SCFD2: variants seen among roughly 807,000 people sequenced by gnomAD.
The protein encoded by SCFD2 is sec1 family domain-containing protein 2.
In SCFD2, 54 loss-of-function variants were observed where a neutral mutation model predicts 58.9. That is an observed-to-expected ratio of 0.92 (90% CI 0.74 to 1.15). The LOEUF (loss-of-function observed/expected upper bound fraction) is 1.15, where lower values mean the gene tolerates loss of function less well. SCFD2 is among the 50% of genes most tolerant of loss of function. SCFD2 has a pLI of 0.00. For synonymous variants in SCFD2, 321 were observed against 335.9 expected, an observed-to-expected ratio of 0.96 and a Z score of 0.49; for missense variants, 805 against 836.6, an observed-to-expected ratio of 0.96 and a Z score of 0.47.
At chr4:53,196,630 C>T (rs576039345) in intron 4 of SCFD2, among the ~76,000 whole-genome samples, 1 of 152,154 alleles carries the variant, frequency 6.6e-6, no homozygotes, top group South Asian at 2.1e-4. Context: ...TTACTGCTGA[C>T]TTTAACAATG....
chr4:52,911,204 T>C (rs1719478003), intron 6 of SCFD2, among the ~76,000 whole-genome samples: 1 of 152,240 alleles, frequency 6.6e-6, no homozygotes, highest in Non-Finnish European at 1.5e-5. Flanking sequence ...AGGCACAGTG[T>C]ATCTGGGGTG....
intron 4 of SCFD2, among the ~76,000 whole-genome samples, chr4:53,239,089 G>A (rs530047250): frequency 2.7e-5 from 4 of 150,916 alleles, no homozygotes; most frequent in Admixed American, 6.6e-5. Context: ...CTGAGTGAAC[G>A]AGACTCCATC....
intron 5 of SCFD2, among the ~76,000 whole-genome samples, chr4:53,105,380 G>A (rs1560337748): frequency 6.6e-6 from 1 of 151,530 alleles, no homozygotes; most frequent in Admixed American, 6.6e-5. Context: ...AGGGAGCCAA[G>A]TGGTCTAGCT....
chr4:53,230,389 T>G (rs1042397253), intron 4 of SCFD2, among the ~76,000 whole-genome samples: 1 of 152,042 alleles, frequency 6.6e-6, no homozygotes, highest in East Asian at 1.9e-4. Context: ...CCAACAATGA[T>G]AGACTGGATT....
At chr4:53,281,119 C>G (rs1731494742) in intron 3 of SCFD2, among the ~76,000 whole-genome samples, 1 of 152,208 alleles carries the variant, frequency 6.6e-6, no homozygotes, top group Non-Finnish European at 1.5e-5. Flanking sequence ...CTTTTGACTT[C>G]CTAACTAAAC....
chr4:52,956,211 C>T (rs1720708819), intron 5 of SCFD2: 1 of 456,596 alleles, frequency 2.2e-6, no homozygotes, highest in South Asian at 1.5e-5. Context: ...AGCCATCTCC[C>T]CTACATCCTA....
At chr4:53,139,621 T>G (rs1262792220) in intron 5 of SCFD2, among the ~76,000 whole-genome samples, 2 of 144,386 alleles carry the variant, frequency 1.4e-5, no homozygotes, top group Non-Finnish European at 3.0e-5. Context: ...CTGCCCCGTC[T>G]GGGAGGTGGG....
chr4:52,933,909 G>A (rs1421746983), intron 5 of SCFD2, among the ~76,000 whole-genome samples: 1 of 152,184 alleles, frequency 6.6e-6, no homozygotes, highest in Non-Finnish European at 1.5e-5. Flanking sequence ...CATAAAGCAA[G>A]TCTGAAGCTA....
intron 5 of SCFD2, among the ~76,000 whole-genome samples, chr4:53,049,037 G>C (rs1187369002): frequency 6.6e-6 from 1 of 152,170 alleles, no homozygotes; most frequent in Non-Finnish European, 1.5e-5. Flanking sequence ...CAGATGAACA[G>C]TGTGTGAGAA....
At chr4:53,285,390 G>T (rs575968368) in intron 3 of SCFD2, among the ~76,000 whole-genome samples, 1 of 151,802 alleles carries the variant, frequency 6.6e-6, no homozygotes, top group South Asian at 2.1e-4. Context: ...TGCTCTTAAG[G>T]GTGCCTCTAA....
chr4:53,174,201 G>C (rs956677272), intron 4 of SCFD2, among the ~76,000 whole-genome samples: 1 of 151,890 alleles, frequency 6.6e-6, no homozygotes, highest in South Asian at 2.1e-4. Flanking sequence ...TATTGAATGT[G>C]AAGGTCTAAA....
intron 4 of SCFD2, among the ~76,000 whole-genome samples, chr4:53,188,623 G>A (rs531421110): frequency 1.8e-4 from 28 of 152,256 alleles, no homozygotes; most frequent in Non-Finnish European, 1.9e-4. Context: ...CATTCTTAAC[G>A]ACTGTTACCA....
At chr4:53,153,556 T>A (rs1726575379) in intron 4 of SCFD2, among the ~76,000 whole-genome samples, 1 of 152,186 alleles carries the variant, frequency 6.6e-6, no homozygotes, top group Non-Finnish European at 1.5e-5. Context: ...TGAGAGGGGC[T>A]GCAAAGGAGA....
chr4:53,222,148 G>A (rs572812513), intron 4 of SCFD2, among the ~76,000 whole-genome samples: 37 of 152,020 alleles, frequency 2.4e-4, no homozygotes, highest in Non-Finnish European at 4.4e-4. Context: ...CTTTTCACCC[G>A]CCCACCCTCA....
At chr4:52,946,175 A>G (rs903570157) in intron 5 of SCFD2, among the ~76,000 whole-genome samples, 3 of 152,142 alleles carry the variant, frequency 2.0e-5, no homozygotes, top group African/African-American at 7.2e-5. Flanking sequence ...AGGGATCTGC[A>G]TTTTTAATAC....
intron 4 of SCFD2, among the ~76,000 whole-genome samples, chr4:53,155,731 T>G (rs1179415840): frequency 6.6e-6 from 1 of 152,190 alleles, no homozygotes; most frequent in Non-Finnish European, 1.5e-5. Context: ...TACCAAGAAC[T>G]AGTCAGTTCA....
chr4:53,218,019 C>G (rs996088761), intron 4 of SCFD2, among the ~76,000 whole-genome samples: 3 of 152,200 alleles, frequency 2.0e-5, no homozygotes, highest in African/African-American at 7.2e-5. Context: ...TCTGCTGTTA[C>G]TCTGTTGGGC....
chr4:53,201,522 T>C (rs1560382087), intron 4 of SCFD2, among the ~76,000 whole-genome samples: 1 of 152,198 alleles, frequency 6.6e-6, no homozygotes, highest in Non-Finnish European at 1.5e-5. Context: ...TGATTTATAA[T>C]CCTTTGGGTA....
chr4:52,962,671 A>AG (rs1412804656), intron 5 of SCFD2, among the ~76,000 whole-genome samples: 15 of 150,838 alleles, frequency 9.9e-5, no homozygotes, highest in African/African-American at 3.7e-4. Context: ...AAAATAGTTT[A>AG]GAGGGGGGCA....
Sources: gnomAD v4.1 joint callset for allele counts (sites outside exome capture counted in the v4.1 genomes callset) on GRCh38, gnomAD v4.1.1 for gene constraint, MANE v1.5 for transcripts, NCBI Gene and HGNC (gene_info 2026-07-23, HGNC 2026-07-21) for gene names.